The following CD101 variants were observed in gnomAD, a reference collection of about 807,000 sequenced individuals.
CD101 encodes CD101 molecule.
A neutral mutation model predicts 98.2 loss-of-function variants in CD101; 76 were observed. The ratio of observed to expected loss-of-function variants is 0.77; its 90% CI spans 0.64 to 0.94. The LOEUF (loss-of-function observed/expected upper bound fraction) is 0.94. CD101 is among the 40% of genes least tolerant of loss of function. The probability of loss-of-function intolerance (pLI) is 0.00; values close to 1 mark genes in which losing one functional copy is unlikely to be tolerated. For missense variants in CD101, 1,145 were observed against 1,218.8 expected, an observed-to-expected ratio of 0.94 and a Z score of 0.90; for synonymous variants, 471 against 472.7, an observed-to-expected ratio of 1.00 and a Z score of 0.05.
intron 4 of CD101, among the ~76,000 whole-genome samples, chr1:117,014,351 T>C (rs1653081272): frequency 6.6e-6 from 1 of 152,250 alleles, no homozygotes; most frequent in South Asian, 2.1e-4. Flanking sequence ...AGTCTCCTAC[T>C]ATGTTGACCT....
At chr1:117,029,597 T>C (rs779870862) in intron 8 of CD101, among the ~76,000 whole-genome samples, 2 of 152,256 alleles carry the variant, frequency 1.3e-5, no homozygotes, top group Non-Finnish European at 2.9e-5. Context: ...AGTGTCTCAT[T>C]AGTAGCACTA....
intron 8 of CD101, among the ~76,000 whole-genome samples, chr1:117,030,379 AAAACAAAC>A (rs3835638): frequency 1.9e-4 from 28 of 150,350 alleles, no homozygotes; most frequent in East Asian, 1.2e-3. Flanking sequence ...AGACACTGTC[AAAACAAAC>A]AAACAAACAA....
intron 8 of CD101, among the ~76,000 whole-genome samples, chr1:117,027,871 G>A (rs56199897): frequency 0.09 from 13,669 of 152,064 alleles, 717 homozygotes; most frequent in African/African-American, 0.12. Flanking sequence ...GTCACCTGAC[G>A]TTGGGAGTTT....
rs1322971059 is a variant in CD101 at position 117,012,715 on chromosome 1, A to T, written c.842-691A>T. Among the ~76,000 whole-genome samples the T allele has an allele frequency of 6.6e-6, 1 of 152,128 alleles. No individual in the cohort carries two copies. Among genetic ancestry groups the T allele is most frequent in the African/African-American group, 2.4e-5 (1 of 41,422 alleles). The stretch of plus-strand genomic sequence containing the variant: ...GAGCCACCGCACCCAGCCTGCTGTT[A>T]CTTTTCATAATCTTTTGGCATTTTT... On this transcript the variant is annotated intron_variant, in intron 3 of 9. Coordinates refer to ENST00000682167, the MANE Select transcript of CD101 (RefSeq NM_001256106.3). This position sits in a 1 kb window ranked among gnomAD's most constrained non-coding sequence, Gnocchi z 4.0.
intron 8 of CD101, among the ~76,000 whole-genome samples, chr1:117,029,261 G>T: frequency 1.6e-5 from 2 of 123,186 alleles, no homozygotes; most frequent in South Asian, 5.3e-4. Context: ...AAGAAAGAAA[G>T]AAAGAAAGAA....
At position 117,021,560 on chromosome 1, in the gene CD101, T is replaced by A; in HGVS notation, c.2018-13T>A. ...TTCATAGCAAAGTAACTGTTTCATT[T>A]TTTTAAATTTAGAGAGCAAGCTAAA... On this transcript the variant is annotated splice_polypyrimidine_tract_variant and intron_variant, in intron 6 of 9. Coordinates refer to ENST00000682167, the MANE Select transcript of CD101 (RefSeq NM_001256106.3). The surrounding 1 kb of genome is among the most constrained non-coding windows in gnomAD (Gnocchi z 4.7). The A allele has an allele frequency of 6.5e-7, 1 of 1,549,426 alleles. No homozygotes were observed. The highest frequency in any genetic ancestry group is 2.2e-5 in the East Asian group (1 of 44,450).
At chr1:117,020,110 A>G (rs549375870) in intron 6 of CD101, among the ~76,000 whole-genome samples, 13 of 152,182 alleles carry the variant, frequency 8.5e-5, no homozygotes, top group African/African-American at 3.1e-4. Flanking sequence ...TAATTCCTAT[A>G]AACCCTTAAG....
At chr1:117,025,471 G>A (rs41276566) in intron 7 of CD101, 38 bp from the exon 8 acceptor site, 1 of 1,496,280 alleles carries the variant, frequency 6.7e-7, no homozygotes, top group Non-Finnish European at 8.9e-7. Context: ...AAATCTGAAA[G>A]TCTGCATTCT....
rs1401424616 is a variant in CD101 at position 117,010,055 on chromosome 1, A to G, written c.249A>G (p.Ala83=). 1.9e-6 allele frequency: 3 copies of G among 1,614,208 alleles called. No individual in the cohort carries two copies. Among genetic ancestry groups the G allele is most frequent in the African/African-American group, 1.3e-5 (1 of 75,050 alleles). ...CCAAGGATGCTGCCTTCTCTTACGCAGTATATACGCAGCGGGTGCGAAGCG... is the reference window on the plus strand; with the variant it reads ...CCAAGGATGCTGCCTTCTCTTACGCGGTATATACGCAGCGGGTGCGAAGCG... The part of the protein sequence containing the change: ...ISTKDAAFSY[A]VYTQRVRSGD... Residue 83 remains alanine, a synonymous_variant, in exon 2 of 10, where the codon GCA becomes GCG. Transcript: ENST00000682167. This position sits in a 1 kb window ranked among gnomAD's most constrained non-coding sequence, Gnocchi z 5.2.
In CD101 at chr1:117,033,726, A is replaced by G. The variant is rs1654610607; in HGVS notation, c.2825-134A>G. The stretch of plus-strand genomic sequence containing the variant: ...TCTGTCCTGTGCTCCTCATGATTTC[A>G]GGGGCCCACTGCTATTTGGCCCCAT... On this transcript the variant is annotated intron_variant, in intron 8 of 9. Coordinates refer to ENST00000682167, the MANE Select transcript of CD101 (RefSeq NM_001256106.3). This position sits in a 1 kb window ranked among gnomAD's most constrained non-coding sequence, Gnocchi z 4.8. 2 of 1,141,180 alleles carry G rather than the reference A, an allele frequency of 1.8e-6. No individual in the cohort carries two copies. Among genetic ancestry groups the G allele is most frequent in the Middle Eastern group, 2.7e-4 (1 of 3,766 alleles). The allele number at this position is 1,141,180 out of a possible 1,614,324, so 70.7% of individuals were successfully genotyped here. A position where few individuals can be genotyped will look rare whatever the true frequency, so the allele number is the denominator to read the frequency against.
At chr1:117,025,409 A>G in intron 7 of CD101, 100 bp from the exon 8 acceptor site, 2 of 1,020,440 alleles carry the variant, frequency 2.0e-6, no homozygotes, top group Non-Finnish European at 2.8e-6. Context: ...ACTGATGTCT[A>G]AAGAATATAA....
intron 8 of CD101, among the ~76,000 whole-genome samples, chr1:117,030,443 GAGAA>G (rs376561361): frequency 1.1e-4 from 16 of 150,292 alleles, no homozygotes; most frequent in South Asian, 4.2e-4. Context: ...AAGAAAGAAA[GAGAA>G]AGAAAGAAAA....
intron 8 of CD101, among the ~76,000 whole-genome samples, chr1:117,028,037 A>T (rs1261504739): frequency 6.6e-6 from 1 of 152,172 alleles, no homozygotes; most frequent in African/African-American, 2.4e-5. Context: ...GTGAGCCGAG[A>T]TCACGCCATT....
intron 9 of CD101, 69 bp downstream of exon 9, chr1:117,034,203 G>A (rs1189092375): frequency 1.9e-5 from 27 of 1,438,098 alleles, no homozygotes; most frequent in South Asian, 3.9e-5. Context: ...CTATGTCTGC[G>A]GCCTTGGGCA....
chr1:117,009,853 A>T lies in CD101; in HGVS notation c.47A>T (p.Lys16Met). ...YVASFFLLLT[K>M]LSIGQREVTV... ...CTTTCTTTCTCCTACTTACAAGCTAAGCTCAGCATTGGCCAGAGAGAAGTA... is the reference window on the plus strand; with the variant it reads ...CTTTCTTTCTCCTACTTACAAGCTATGCTCAGCATTGGCCAGAGAGAAGTA... The change falls in exon 2 of 10, where the codon AAG (lysine) becomes ATG (methionine). Residue 16 changes from lysine to methionine, a missense_variant. Physicochemically the swap from Lys to Met is moderately conservative, Grantham distance 95 (BLOSUM62 -1). Transcript: ENST00000682167. 6.3e-7 allele frequency: 1 copy of T among 1,591,864 alleles called. No individual in the cohort carries two copies. Among genetic ancestry groups the T allele is most frequent in the Non-Finnish European group, 8.6e-7 (1 of 1,163,508 alleles).
Position 117,004,272 on chromosome 1 carries a change from A to G in CD101, c.43+2412A>G, listed in dbSNP as rs1652407726. Among the ~76,000 whole-genome samples, 2 of 152,222 alleles carry G rather than the reference A, an allele frequency of 1.3e-5. No homozygotes were observed. The highest frequency in any genetic ancestry group is 4.8e-5 in the African/African-American group (2 of 41,464). On this transcript the variant is annotated intron_variant, in intron 1 of 9. Coordinates refer to ENST00000682167, the MANE Select transcript of CD101 (RefSeq NM_001256106.3). The surrounding 1 kb of genome is among the most constrained non-coding windows in gnomAD (Gnocchi z 4.1). ...CAAGCATATAGGGTTTTTGAATGTG[A>G]AAAGAGAAAGAAGCTGCTTGTTATG...
At chr1:117,003,103 C>T (rs1652335353) in intron 1 of CD101, among the ~76,000 whole-genome samples, 1 of 152,036 alleles carries the variant, frequency 6.6e-6, no homozygotes, top group African/African-American at 2.4e-5. Context: ...GATTGAGCCA[C>T]TGCACTCCAG....
At chr1:117,014,747 A>T (rs114278956) in intron 4 of CD101, among the ~76,000 whole-genome samples, 1,829 of 152,336 alleles carry the variant, frequency 0.012, 28 homozygotes, top group Non-Finnish European at 0.019. Context: ...GCACTGGCTC[A>T]TTGGAGACAT....
At chr1:117,026,146 A>G (rs1359146083) in intron 8 of CD101, 2 of 419,640 alleles carry the variant, frequency 4.8e-6, no homozygotes, top group East Asian at 3.8e-5. Flanking sequence ...TGACAGGTCC[A>G]TGTCTTTCTG....
Sources: gnomAD v4.1 joint callset for allele counts (sites outside exome capture counted in the v4.1 genomes callset) on GRCh38, gnomAD v4.1.1 for gene constraint, Gnocchi (gnomAD v3.1) non-coding constraint, MANE v1.5 for transcripts, NCBI Gene and HGNC (gene_info 2026-07-23, HGNC 2026-07-21) for gene names.